Variants in RBBP6 observed in about 807,000 individuals in gnomAD.
RBBP6 encodes the protein RB binding protein 6, ubiquitin ligase.
A neutral mutation model predicts 167.7 loss-of-function variants in RBBP6; 25 were observed. The observed-to-expected ratio is 0.15, with a 90% confidence interval of 0.11 to 0.21. RBBP6 has a LOEUF of 0.21. RBBP6 is among the 10% of genes least tolerant of loss of function. RBBP6 has a pLI of 1.00. For synonymous variants in RBBP6, 789 were observed against 735.8 expected, an observed-to-expected ratio of 1.07 and a Z score of -1.17; for missense variants, 1,868 against 2,134.2, an observed-to-expected ratio of 0.88 and a Z score of 2.46.
chr16:24,570,156 GTAGA>G lies in RBBP6; in HGVS notation c.3469_3472del (p.Asp1157LysfsTer8). 6.3e-7 allele frequency: 1 copy of G among 1,593,488 alleles called. No individual in the cohort carries two copies. The highest frequency in any genetic ancestry group is 8.5e-7 in the Non-Finnish European group (1 of 1,175,282). The stretch of plus-strand genomic sequence containing the variant: ...AAAAAGAAAAACTGAAGAAAAAGGC[GTAGA>G]TAAAGATTTTGAGTCTTCTTCAATG... On this transcript the variant is annotated frameshift_variant, in exon 17 of 18. Transcript: ENST00000319715. LOFTEE classifies it high-confidence loss of function.
Position 24,569,988 on chromosome 16 carries a change from C to A in RBBP6, c.3298C>A (p.Gln1100Lys), listed in dbSNP as rs772950225. The A allele has an allele frequency of 2.5e-6, 4 of 1,595,590 alleles. No individual in the cohort carries two copies. In the East Asian group the frequency reaches 8.9e-5, roughly 36 times the overall value. The change falls in exon 17 of 18, where the codon CAA (glutamine) becomes AAA (lysine). Residue 1100 changes from glutamine to lysine, a missense_variant. Gln to Lys is a moderately conservative substitution (Grantham distance 53, BLOSUM62 1). Coordinates refer to ENST00000319715, the MANE Select transcript of RBBP6 (RefSeq NM_006910.5). Reference protein sequence around the residue: ...KAHSKSAKEHQETKPVKEEKV... With the variant: ...KAHSKSAKEHKETKPVKEEKV... ...TCACTCTAAATCAGCAAAAGAACAC[C>A]AAGAAACAAAACCAGTCAAAGAGGA...
chr16:24,567,752 G>T, intron 15 of RBBP6, 40 bp from the exon 16 acceptor site: 1 of 1,501,026 alleles, frequency 6.7e-7, no homozygotes, highest in Non-Finnish European at 9.2e-7. Flanking sequence ...TTTCTTAAAT[G>T]GTTTTTGTTA....
In RBBP6 at chr16:24,571,427, A is replaced by G. The variant is rs369436380; in HGVS notation, c.4361A>G (p.Asp1454Gly). Residue 1454 changes from aspartate (D) to glycine (G), a missense_variant, in exon 18 of 18, where the codon GAT becomes GGT. Transcript: ENST00000319715. ...TCTTCCAAAGAGGCTAGAACGTCAG[A>G]TAAACATGATTCCACTCGTGCTTCC... Reference protein sequence around the residue: ...SQSSKEARTSDKHDSTRASSN... With the variant: ...SQSSKEARTSGKHDSTRASSN... 5.6e-6 allele frequency: 9 copies of G among 1,613,466 alleles called. No homozygotes were observed. Among genetic ancestry groups the G allele is most frequent in the East Asian group, 2.2e-5 (1 of 44,884 alleles).
rs969751269 is a variant in RBBP6 at position 24,571,397 on chromosome 16, C to T, written c.4331C>T (p.Ser1444Phe). ...LNEQGNFKSL[S>F]QSSKEARTSD... The stretch of plus-strand genomic sequence containing the variant: ...GAACAAGGAAATTTTAAAAGTCTGT[C>T]TCAATCTTCCAAAGAGGCTAGAACG... The change falls in exon 18 of 18, where the codon TCT becomes TTT. Residue 1444 changes from serine to phenylalanine, a missense_variant. Around this residue, in one of 7 missense-constraint regions of RBBP6, gnomAD observed 591 missense variants for 540.5 expected, o/e 1.09. Transcript: ENST00000319715. 3.1e-6 allele frequency: 5 copies of T among 1,613,930 alleles called. No homozygotes were observed. The highest frequency in any genetic ancestry group is 4.2e-6 in the Non-Finnish European group (5 of 1,180,004).
chr16:24,563,024 A>G (rs1899103957), intron 10 of RBBP6, among the ~76,000 whole-genome samples, 175 bp from the exon 11 acceptor site: 4 of 152,164 alleles, frequency 2.6e-5, no homozygotes, highest in South Asian at 4.1e-4. Context: ...TCCACTTACT[A>G]CATATAGAGA....
At chr16:24,545,294 A>G (rs1898615190) in intron 1 of RBBP6, among the ~76,000 whole-genome samples, 1 of 152,012 alleles carries the variant, frequency 6.6e-6, no homozygotes, top group South Asian at 2.1e-4. Flanking sequence ...GGATGGTCTT[A>G]ATCTCCTGAC....
chr16:24,546,150 T>G lies in RBBP6; in HGVS notation c.167-13T>G, dbSNP rs754428900. 6 of 1,563,464 alleles carry G rather than the reference T, an allele frequency of 3.8e-6. No individual in the cohort carries two copies. In the East Asian group the frequency reaches 1.4e-4, roughly 36 times the overall value. On this transcript the variant is annotated splice_polypyrimidine_tract_variant and intron_variant, in intron 1 of 17. Coordinates refer to ENST00000319715, the MANE Select transcript of RBBP6 (RefSeq NM_006910.5). Reference sequence around the variant, plus strand: ...CCCCAAATGGAAATTCAATTCTGTCTTTTTATTTACAGAATATACTGATGA... The same window carrying G: ...CCCCAAATGGAAATTCAATTCTGTCGTTTTATTTACAGAATATACTGATGA...
At position 24,569,895 on chromosome 16, in the gene RBBP6, A is replaced by T. The variant is rs1567280878; in HGVS notation, c.3205A>T (p.Thr1069Ser). 2 of 1,610,842 alleles carry T rather than the reference A, an allele frequency of 1.2e-6. No individual in the cohort carries two copies. Among genetic ancestry groups the T allele is most frequent in the East Asian group, 2.2e-5 (1 of 44,860 alleles). ...IKKAKEETPK[T>S]DNTKSSSSSQ... ...AAAAGCCAAAGAGGAGACTCCGAAGACTGACAATACTAAATCATCATCTTC... is the reference window on the plus strand; with the variant it reads ...AAAAGCCAAAGAGGAGACTCCGAAGTCTGACAATACTAAATCATCATCTTC... The change falls in exon 17 of 18, where the codon ACT becomes TCT. Residue 1069 changes from threonine to serine, a missense_variant. Coordinates refer to ENST00000319715, the MANE Select transcript of RBBP6 (RefSeq NM_006910.5).
rs1307411733 is a variant in RBBP6 at position 24,569,611 on chromosome 16, T to C, written c.2921T>C (p.Leu974Ser). Reference sequence around the variant, plus strand: ...GTTGAAGAAAATAAAACAGACTCATTGTTTGTTCTCCCAAGTAGAGATGAT... The same window carrying C: ...GTTGAAGAAAATAAAACAGACTCATCGTTTGTTCTCCCAAGTAGAGATGAT... Reference protein sequence around the residue: ...TGVEENKTDSLFVLPSRDDAT... With the variant: ...TGVEENKTDSSFVLPSRDDAT... Residue 974 changes from leucine (L) to serine (S), a missense_variant, in exon 17 of 18, where the codon TTG becomes TCG. Coordinates refer to ENST00000319715, the MANE Select transcript of RBBP6 (RefSeq NM_006910.5). 4 of 1,612,062 alleles carry C rather than the reference T, an allele frequency of 2.5e-6. No individual in the cohort carries two copies. The highest frequency in any genetic ancestry group is 3.4e-6 in the Non-Finnish European group (4 of 1,179,526).
At chr16:24,567,622 A>G (rs1899227124) in intron 15 of RBBP6, 117 bp downstream of exon 15, 2 of 1,359,422 alleles carry the variant, frequency 1.5e-6, no homozygotes, top group Non-Finnish European at 2.0e-6. Flanking sequence ...TTCACCTAAA[A>G]TTTAAACCAA....
intron 1 of RBBP6, 85 bp from the exon 2 acceptor site, chr16:24,546,078 T>A (rs1323049117): frequency 6.9e-7 from 1 of 1,459,210 alleles, no homozygotes; most frequent in African/African-American, 1.5e-5. Flanking sequence ...TCATTTCCCA[T>A]GAAATTTATA....
At chr16:24,557,143 C>T (rs1283391236) in intron 7 of RBBP6, among the ~76,000 whole-genome samples, 1 of 151,988 alleles carries the variant, frequency 6.6e-6, no homozygotes, top group East Asian at 1.9e-4. Context: ...GGACTACAGG[C>T]GCCCGCCACC....
At chr16:24,560,632 T>G (rs1899028214) in intron 8 of RBBP6, among the ~76,000 whole-genome samples, 1 of 152,182 alleles carries the variant, frequency 6.6e-6, no homozygotes, top group African/African-American at 2.4e-5. Flanking sequence ...CATCTGCAGA[T>G]TCAAAACCAC....
intron 10 of RBBP6, 71 bp downstream of exon 10, chr16:24,562,232 C>T (rs1434925424): frequency 1.5e-5 from 21 of 1,379,706 alleles, no homozygotes; most frequent in Non-Finnish European, 2.1e-5. Flanking sequence ...TGTTGGTTAT[C>T]ACTTTTAACA....
At position 24,569,751 on chromosome 16, in the gene RBBP6, C is replaced by T. The variant is rs748890297; in HGVS notation, c.3061C>T (p.Arg1021Trp). Residue 1021 changes from arginine to tryptophan, a missense_variant, in exon 17 of 18, where the codon CGG becomes TGG. Physicochemically the swap from Arg to Trp is moderately radical, Grantham distance 101 (BLOSUM62 -3). Coordinates refer to ENST00000319715, the MANE Select transcript of RBBP6 (RefSeq NM_006910.5). Reference protein sequence around the residue: ...KPKAKGDKTKRKNDGSAVSKK... With the variant: ...KPKAKGDKTKWKNDGSAVSKK... ...AAAAGCAAAGGGTGATAAAACCAAACGGAAGAATGATGGATCTGCTGTGTC... is the reference window on the plus strand; with the variant it reads ...AAAAGCAAAGGGTGATAAAACCAAATGGAAGAATGATGGATCTGCTGTGTC... 2.9e-5 allele frequency: 46 copies of T among 1,613,780 alleles called. No homozygotes were observed. Among genetic ancestry groups the T allele is most frequent in the South Asian group, 1.4e-4 (13 of 91,068 alleles).
chr16:24,569,824 T>C lies in RBBP6; in HGVS notation c.3134T>C (p.Val1045Ala), dbSNP rs1408969472. ...VKPAKGPQEK[V>A]DGERERSPRS... ...CCTGCTAAAGGACCCCAAGAAAAAG[T>C]AGATGGAGAACGTGAGAGATCTCCT... The change falls in exon 17 of 18, where the codon GTA (valine) becomes GCA (alanine). Residue 1045 changes from valine (V) to alanine (A), a missense_variant. Physicochemically the swap from Val to Ala is moderately conservative, Grantham distance 64. Transcript: ENST00000319715. 1 of 1,611,448 alleles carries C rather than the reference T, an allele frequency of 6.2e-7. No individual in the cohort carries two copies. Among genetic ancestry groups the C allele is most frequent in the Admixed American group, 1.7e-5 (1 of 59,442 alleles).
chr16:24,555,065 A>G (rs1898882490), intron 4 of RBBP6: 1 of 152,472 alleles, frequency 6.6e-6, no homozygotes, highest in South Asian at 2.1e-4. Flanking sequence ...TAGACCTTGT[A>G]TATCATACCT....
chr16:24,549,142 G>A, intron 3 of RBBP6, 161 bp downstream of exon 3: 1 of 1,471,320 alleles, frequency 6.8e-7, no homozygotes, highest in Middle Eastern at 2.4e-4. Context: ...TGGATAATAT[G>A]TGGCATCACT....
chr16:24,549,424 A>T lies in RBBP6; in HGVS notation c.303+443A>T, dbSNP rs538544770. Reference sequence around the variant, plus strand: ...GTATATTTTGCCATTTTCACGTTGTATCACTTAGTTTTTGTTAGTTTTTTT... The same window carrying T: ...GTATATTTTGCCATTTTCACGTTGTTTCACTTAGTTTTTGTTAGTTTTTTT... On this transcript the variant is annotated intron_variant, in intron 3 of 17. Transcript: ENST00000319715. 91 of 965,780 alleles carry T rather than the reference A, an allele frequency of 9.4e-5. No homozygotes were observed. In the African/African-American group the frequency reaches 1.5e-3, roughly 16 times the overall value. The allele number at this position is 965,780 out of a possible 1,614,324, so 59.8% of individuals were successfully genotyped here.
Sources: gnomAD v4.1 joint callset for allele counts (sites outside exome capture counted in the v4.1 genomes callset) on GRCh38, gnomAD v4.1.1 for gene constraint, gnomAD v4.1.1 regional missense constraint, MANE v1.5 for transcripts, NCBI Gene and HGNC (gene_info 2026-07-23, HGNC 2026-07-21) for gene names.